RASSF6: variants seen among roughly 807,000 people sequenced by gnomAD.
The protein encoded by RASSF6 is Ras association domain family member 6.
Under a neutral mutation model 44.0 loss-of-function variants are expected in RASSF6, and 52 were observed. The observed-to-expected ratio is 1.18, with a 90% CI of 0.95 to 1.49. The LOEUF is 1.49. RASSF6 is among the 40% of genes most tolerant of loss of function. RASSF6 has a pLI of 0.00. For missense variants in RASSF6, 464 were observed against 393.3 expected, an observed-to-expected ratio of 1.18 and a Z score of -1.52; for synonymous variants, 162 against 124.6, an observed-to-expected ratio of 1.30 and a Z score of -2.00.
At chr4:73,617,310 T>G (rs972196655) in intron 1 of RASSF6, among the ~76,000 whole-genome samples, 1 of 152,218 alleles carries the variant, frequency 6.6e-6, no homozygotes, top group Non-Finnish European at 1.5e-5. Context: ...ACTAATGCCA[T>G]GCATTTTATT....
chr4:73,578,236 A>G (rs878981395), intron 8 of RASSF6, among the ~76,000 whole-genome samples: 5 of 152,220 alleles, frequency 3.3e-5, no homozygotes, highest in Admixed American at 3.3e-4. Flanking sequence ...GAAGGAAACT[A>G]AGCCATATTT....
At chr4:73,609,398 A>G (rs964940196) in intron 2 of RASSF6, among the ~76,000 whole-genome samples, 2 of 152,228 alleles carry the variant, frequency 1.3e-5, no homozygotes, top group Non-Finnish European at 2.9e-5. Context: ...TAGTCATTTC[A>G]GTACAAAGCT....
chr4:73,620,375 G>A lies in RASSF6; in HGVS notation c.-122C>T, dbSNP rs949719635. The A allele has an allele frequency of 5.3e-6, 8 of 1,522,458 alleles. No homozygotes were observed. The highest frequency in any genetic ancestry group is 6.2e-6 in the Non-Finnish European group (7 of 1,136,738). 94.3% of individuals were successfully genotyped at this position (1,522,458 alleles called of 1,614,324 possible). The stretch of plus-strand genomic sequence containing the variant: ...CGCGGTTTGTTCTCGGCTGGGTCAG[G>A]AACTCTGGTAGAGGGAAACCAGTGC... On this transcript the variant is annotated 5_prime_UTR_variant, in exon 1 of 11. Transcript: ENST00000307439.
intron 1 of RASSF6, among the ~76,000 whole-genome samples, chr4:73,614,588 A>C (rs557808172): frequency 5.3e-5 from 8 of 152,338 alleles, no homozygotes; most frequent in Admixed American, 2.0e-4. Context: ...ATTGGCAGTG[A>C]TGGACTGAAA....
intron 4 of RASSF6, among the ~76,000 whole-genome samples, chr4:73,592,429 T>C (rs1393108929): frequency 6.6e-6 from 1 of 152,078 alleles, no homozygotes; most frequent in Non-Finnish European, 1.5e-5. Flanking sequence ...TCAATGTATA[T>C]ACACAGTGGG....
At chr4:73,593,376 C>T (rs1724710064) in intron 4 of RASSF6, 75 bp downstream of exon 4, 1 of 1,370,432 alleles carries the variant, frequency 7.3e-7, no homozygotes, top group African/African-American at 1.5e-5. Flanking sequence ...AAGTTTCCCT[C>T]CTTAAGAGTG....
At chr4:73,589,982 T>C (rs994692792) in intron 4 of RASSF6, among the ~76,000 whole-genome samples, 1 of 152,212 alleles carries the variant, frequency 6.6e-6, no homozygotes, top group Non-Finnish European at 1.5e-5. Context: ...TGTTATTCTG[T>C]CATGACTTGT....
chr4:73,603,145 A>G (rs1725395079), intron 2 of RASSF6, among the ~76,000 whole-genome samples: 1 of 152,168 alleles, frequency 6.6e-6, no homozygotes, highest in Admixed American at 6.5e-5. Context: ...TCACACTTTT[A>G]TATGTGAGAC....
chr4:73,588,035 C>T, intron 4 of RASSF6, 101 bp from the exon 5 acceptor site: 1 of 651,132 alleles, frequency 1.5e-6, no homozygotes, highest in Non-Finnish European at 2.7e-6. Context: ...CTGTGGGCCT[C>T]TGTAGGTGGA....
chr4:73,582,346 A>AG (rs1456894116), intron 6 of RASSF6, 56 bp from the exon 7 acceptor site: 10 of 853,372 alleles, frequency 1.2e-5, no homozygotes, highest in Non-Finnish European at 1.6e-5. Flanking sequence ...AAGGGTATTC[A>AG]ATATCTTGAA....
intron 1 of RASSF6, among the ~76,000 whole-genome samples, chr4:73,620,068 C>T (rs536139893): frequency 6.6e-6 from 1 of 152,142 alleles, no homozygotes; most frequent in African/African-American, 2.4e-5. Context: ...CCCTTTCCCT[C>T]CCTTCTTTCC....
At chr4:73,589,053 GAA>G (rs1560446608) in intron 4 of RASSF6, among the ~76,000 whole-genome samples, 2 of 152,068 alleles carry the variant, frequency 1.3e-5, no homozygotes, top group African/African-American at 4.8e-5. Context: ...TGAATATGAA[GAA>G]AGTCATCCCT....
chr4:73,615,615 C>T (rs915518579), intron 1 of RASSF6, among the ~76,000 whole-genome samples: 2 of 152,280 alleles, frequency 1.3e-5, no homozygotes, highest in South Asian at 4.1e-4. Flanking sequence ...AAAATAAGAT[C>T]ATTATTTAAT....
intron 2 of RASSF6, among the ~76,000 whole-genome samples, chr4:73,607,813 ACCTCCTCTCC>A (rs1421474082): frequency 1.3e-5 from 2 of 150,312 alleles, no homozygotes; most frequent in Non-Finnish European, 3.0e-5. Flanking sequence ...TAGGACAGCT[ACCTCCTCTCC>A]TCTCCTCTCC....
At chr4:73,589,157 A>G (rs936534984) in intron 4 of RASSF6, among the ~76,000 whole-genome samples, 2 of 152,160 alleles carry the variant, frequency 1.3e-5, no homozygotes, top group African/African-American at 4.8e-5. Context: ...AGAGAAGGTA[A>G]TCCTAATATA....
intron 3 of RASSF6, among the ~76,000 whole-genome samples, chr4:73,594,349 C>G (rs1375205419): frequency 6.6e-6 from 1 of 152,174 alleles, no homozygotes; most frequent in Non-Finnish European, 1.5e-5. Context: ...CATTCATTAA[C>G]TATTATTAAT....
chr4:73,601,937 C>T (rs1003499954), intron 2 of RASSF6, among the ~76,000 whole-genome samples: 1 of 152,126 alleles, frequency 6.6e-6, no homozygotes, highest in Non-Finnish European at 1.5e-5. Flanking sequence ...AGTCAAGAGG[C>T]CTCAGTCATG....
chr4:73,580,801 AATTTCCTCCC>A (rs2149365223), intron 8 of RASSF6, among the ~76,000 whole-genome samples: 1 of 82,278 alleles, frequency 1.2e-5, no homozygotes, highest in African/African-American at 3.5e-5. Context: ...AGGTTGCGAA[AATTTCCTCCC>A]ATTTTGTAGG....
At chr4:73,599,490 T>G (rs1159656569) in intron 2 of RASSF6, among the ~76,000 whole-genome samples, 2 of 152,138 alleles carry the variant, frequency 1.3e-5, no homozygotes, top group African/African-American at 2.4e-5. Flanking sequence ...GCCTGGAAAC[T>G]CCTCCCTGTG....
Sources: gnomAD v4.1 joint callset for allele counts (sites outside exome capture counted in the v4.1 genomes callset) on GRCh38, gnomAD v4.1.1 for gene constraint, MANE v1.5 for transcripts, NCBI Gene and HGNC (gene_info 2026-07-23, HGNC 2026-07-21) for gene names.